Variants in FNDC3A observed in about 807,000 individuals in gnomAD.
FNDC3A encodes fibronectin type III domain containing 3A.
A neutral mutation model predicts 148.9 loss-of-function variants in FNDC3A; 32 were observed. The ratio of observed to expected loss-of-function variants is 0.21; its 90% CI spans 0.16 to 0.29. The LOEUF (loss-of-function observed/expected upper bound fraction) is 0.29, where lower values mean the gene tolerates loss of function less well. FNDC3A is among the 10% of genes least tolerant of loss of function. The pLI is 1.00. For missense variants in FNDC3A, 1,191 were observed against 1,452.8 expected (o/e 0.82, Z 2.93); for synonymous variants, 472 against 473.6 (o/e 1.00, Z 0.04).
chr13:49,143,600 A>G (rs957626504), intron 7 of FNDC3A, among the ~76,000 whole-genome samples: 9 of 152,132 alleles, frequency 5.9e-5, no homozygotes, highest in Non-Finnish European at 1.0e-4. Context: ...GGGATTCCAT[A>G]CTATCTTCCC....
intron 3 of FNDC3A, among the ~76,000 whole-genome samples, chr13:49,096,728 C>T (rs1300630809): frequency 6.6e-6 from 1 of 152,052 alleles, no homozygotes; most frequent in Non-Finnish European, 1.5e-5. Context: ...GGCCTTGCCT[C>T]ACAGCCTAGT....
In FNDC3A at chr13:49,145,910, G is replaced by A; in HGVS notation, c.952G>A (p.Asp318Asn). 1 of 1,612,752 alleles carries A rather than the reference G, an allele frequency of 6.2e-7. No individual in the cohort carries two copies. Among genetic ancestry groups the A allele is most frequent in the Non-Finnish European group, 8.5e-7 (1 of 1,179,308 alleles). The change falls in exon 8 of 26, where the codon GAT becomes AAT. Residue 318 changes from aspartate (D) to asparagine (N), a missense_variant. Physicochemically the swap from Asp to Asn is conservative, Grantham distance 23. Coordinates refer to ENST00000492622, the MANE Select transcript of FNDC3A (RefSeq NM_001079673.2). ...AGTTCTGATCTCAAGTACTGGAAAA[G>A]ATGGGAAATACAAAAGTGTATATGT... The part of the protein sequence containing the change: ...YEVLISSTGK[D>N]GKYKSVYVGE...
intron 19 of FNDC3A, 136 bp downstream of exon 19, chr13:49,191,520 C>T: frequency 1.6e-6 from 1 of 606,958 alleles, no homozygotes; most frequent in East Asian, 2.9e-5. Flanking sequence ...AACAAGCCTA[C>T]ATTGATAAAT....
At chr13:49,122,477 T>G (rs572152871) in intron 4 of FNDC3A, among the ~76,000 whole-genome samples, 70 of 152,238 alleles carry the variant, frequency 4.6e-4, no homozygotes, top group African/African-American at 1.6e-3. Context: ...CTACTCAACA[T>G]AGTATTGGGA....
chr13:49,060,249 T>TAAATAGCCAGAAGGTGG (rs1481793310), intron 2 of FNDC3A, among the ~76,000 whole-genome samples: 2 of 152,234 alleles, frequency 1.3e-5, no homozygotes, highest in African/African-American at 4.8e-5. Context: ...AGCACTATTC[T>TAAATAGCCAGAAGGTGG]AAATAGCCAG....
intron 4 of FNDC3A, among the ~76,000 whole-genome samples, chr13:49,120,074 T>A (rs1406386517): frequency 6.6e-6 from 1 of 152,110 alleles, no homozygotes; most frequent in Non-Finnish European, 1.5e-5. Flanking sequence ...GAAAAAATGT[T>A]AAGGGCAGCC....
rs1469125056 is a variant in FNDC3A, at chr13:49,207,354, A to G, written c.3556A>G (p.Ile1186Val). 6.2e-7 allele frequency: 1 copy of G among 1,612,754 alleles called. No individual in the cohort carries two copies. Among genetic ancestry groups the G allele is most frequent in the South Asian group, 1.1e-5 (1 of 91,040 alleles). Residue 1186 changes from isoleucine to valine, a missense_variant, in exon 26 of 26, where the codon ATT (isoleucine) becomes GTT (valine). By Grantham distance (29) the Ile-to-Val change is conservative. Coordinates refer to ENST00000492622, the MANE Select transcript of FNDC3A (RefSeq NM_001079673.2). ...CCTTGTGCTGTTTGCTTTCTTTTCC[A>G]TTTTGATTGCCTTTATCATTCAGTA... ...VILVLFAFFS[I>V]LIAFIIQYFV...
intron 2 of FNDC3A, among the ~76,000 whole-genome samples, chr13:49,024,960 AT>A (rs760084363): frequency 6.6e-6 from 1 of 152,022 alleles, no homozygotes; most frequent in Non-Finnish European, 1.5e-5. Context: ...TTAGAAAAAA[AT>A]ATTTTGTTGC....
Position 49,138,534 on chromosome 13 carries a change from G to C in FNDC3A, c.761-213G>C, listed in dbSNP as rs185343021. Reference sequence around the variant, plus strand: ...TATATAGATATATCTGTATATAGTGGTGTTATAATTAGTAGTCACAGTTAA... The same window carrying C: ...TATATAGATATATCTGTATATAGTGCTGTTATAATTAGTAGTCACAGTTAA... On this transcript the variant is annotated intron_variant, in intron 6 of 25. Transcript: ENST00000492622. Among the ~76,000 whole-genome samples the C allele has an allele frequency of 3.0e-3, 457 of 152,124 alleles. 4 individuals carry two copies. Among genetic ancestry groups the C allele is most frequent in the African/African-American group, 0.01 (430 of 41,522 alleles).
chr13:48,975,420 T>C (rs1050782508), upstream of FNDC3A: 21 of 152,236 alleles, frequency 1.4e-4, no homozygotes, highest in African/African-American at 1.9e-4. Context: ...TTGCTTGCTA[T>C]CCAGATCCTG....
chr13:49,056,632 A>G (rs1001713545), intron 2 of FNDC3A, among the ~76,000 whole-genome samples: 2 of 151,820 alleles, frequency 1.3e-5, no homozygotes, highest in African/African-American at 4.8e-5. Flanking sequence ...TCCTTTCTAT[A>G]TTTTACATAT....
At chr13:49,142,333 CT>C (rs1283018896) in intron 7 of FNDC3A, among the ~76,000 whole-genome samples, 1 of 152,112 alleles carries the variant, frequency 6.6e-6, no homozygotes, top group East Asian at 1.9e-4. Flanking sequence ...TTTCTGTTTC[CT>C]TTCATTGTTT....
intron 4 of FNDC3A, among the ~76,000 whole-genome samples, chr13:49,122,977 T>C (rs1433849174): frequency 6.6e-6 from 1 of 152,160 alleles, no homozygotes; most frequent in East Asian, 1.9e-4. Flanking sequence ...TTGATTTTCT[T>C]CACAGAATTA....
chr13:49,000,035 CCT>C (rs1435612871), intron 1 of FNDC3A, among the ~76,000 whole-genome samples: 1 of 152,110 alleles, frequency 6.6e-6, no homozygotes, highest in East Asian at 1.9e-4. Flanking sequence ...CCATAGATTA[CCT>C]CTTTACTCTG....
intron 8 of FNDC3A, among the ~76,000 whole-genome samples, chr13:49,165,705 A>T (rs1010888589): frequency 3.9e-5 from 6 of 152,164 alleles, no homozygotes; most frequent in South Asian, 2.1e-4. Flanking sequence ...GCAGGTGGCC[A>T]GGTGGGTTCT....
intron 2 of FNDC3A, among the ~76,000 whole-genome samples, chr13:49,047,875 T>C (rs1875536480): frequency 6.6e-6 from 1 of 152,218 alleles, no homozygotes; most frequent in South Asian, 2.1e-4. Context: ...CTTAAGCCAA[T>C]GTCTAGAAGG....
chr13:48,989,282 A>T (rs1951865046), intron 1 of FNDC3A, among the ~76,000 whole-genome samples: 1 of 152,238 alleles, frequency 6.6e-6, no homozygotes, highest in South Asian at 2.1e-4. Flanking sequence ...ACAGCCAACA[A>T]GATAAAGTTA....
At chr13:49,050,612 T>C (rs1875765227) in intron 2 of FNDC3A, among the ~76,000 whole-genome samples, 1 of 152,188 alleles carries the variant, frequency 6.6e-6, no homozygotes, top group Admixed American at 6.5e-5. Context: ...AGAATGTATA[T>C]TCTGCAGTTG....
intron 2 of FNDC3A, among the ~76,000 whole-genome samples, chr13:49,040,345 C>A (rs1874830190): frequency 6.6e-6 from 1 of 152,186 alleles, no homozygotes; most frequent in Admixed American, 6.5e-5. Flanking sequence ...ATTGCCTACT[C>A]ACCCATTATC....
Sources: allele counts gnomAD v4.1 joint callset (sites outside exome capture counted in the v4.1 genomes callset), GRCh38; gene constraint gnomAD v4.1.1; transcripts MANE v1.5; gene names NCBI Gene and HGNC (gene_info 2026-07-23, HGNC 2026-07-21).